NUS1: variants seen among roughly 807,000 people sequenced by gnomAD.
NUS1 encodes the protein dehydrodolichyl diphosphate synthase complex subunit NUS1.
For missense variants in NUS1, 292 were observed against 382.9 expected (o/e 0.76, Z 1.98); for synonymous variants, 135 against 155.2 (o/e 0.87, Z 0.97).
chr6:117,687,603 A>G (rs1359674320), intron 1 of NUS1, among the ~76,000 whole-genome samples: 1 of 152,180 alleles, frequency 6.6e-6, no homozygotes, highest in Non-Finnish European at 1.5e-5. Context: ...TTTAACAGGC[A>G]TGGGCTTGGG....
At chr6:117,703,782 G>C in intron 4 of NUS1, 78 bp downstream of exon 4, 1 of 974,798 alleles carries the variant, frequency 1.0e-6, no homozygotes, top group Non-Finnish European at 1.7e-6. Context: ...TAGATCTGGT[G>C]GGGATTTCCA....
chr6:117,709,152 A>G lies in NUS1; in HGVS notation c.*2137A>G, dbSNP rs1773542133. The stretch of plus-strand genomic sequence containing the variant: ...TGCTAGTACAATCTCCACAACTTGA[A>G]TGGCATTGGTTGTTCTGTAATTCCT... On this transcript the variant is annotated 3_prime_UTR_variant, in exon 5 of 5. Coordinates refer to ENST00000368494, the MANE Select transcript of NUS1 (RefSeq NM_138459.5). 6.6e-6 allele frequency: 1 copy of G among 152,270 alleles called. No homozygotes were observed. Among genetic ancestry groups the G allele is most frequent in the South Asian group, 2.1e-4 (1 of 4,824 alleles). 9.4% of individuals were successfully genotyped at this position (152,270 alleles called of 1,614,324 possible).
intron 1 of NUS1, among the ~76,000 whole-genome samples, chr6:117,682,396 T>C (rs1773074712): frequency 6.6e-6 from 1 of 152,066 alleles, no homozygotes; most frequent in Non-Finnish European, 1.5e-5. Context: ...GCCCAGGAGT[T>C]TAAGACCAGC....
At chr6:117,685,484 G>A (rs1176759114) in intron 1 of NUS1, among the ~76,000 whole-genome samples, 2 of 151,654 alleles carry the variant, frequency 1.3e-5, no homozygotes, top group Non-Finnish European at 2.9e-5. Context: ...GCAGCCTCCT[G>A]AGTAGGTTGT....
At chr6:117,680,741 A>T (rs1773048901) in intron 1 of NUS1, among the ~76,000 whole-genome samples, 1 of 152,214 alleles carries the variant, frequency 6.6e-6, no homozygotes, top group Non-Finnish European at 1.5e-5. Flanking sequence ...ATGATTGAGG[A>T]TAATTTGGGG....
In NUS1 at chr6:117,707,733, C is replaced by T. The variant is rs906731981; in HGVS notation, c.*718C>T. The T allele has an allele frequency of 8.6e-5, 13 of 150,788 alleles. No individual in the cohort carries two copies. Among genetic ancestry groups the T allele is most frequent in the African/African-American group, 3.2e-4 (13 of 40,868 alleles). 9.3% of individuals were successfully genotyped at this position (150,788 alleles called of 1,614,324 possible). ...TTGCTCTGGTATTCTGAGAGTTGCT[C>T]TGTATTCTGGGTTCTGAAGATTATT... is the stretch of plus-strand genomic sequence containing the variant. On this transcript the variant is annotated 3_prime_UTR_variant, in exon 5 of 5. Transcript: ENST00000368494.
intron 3 of NUS1, among the ~76,000 whole-genome samples, chr6:117,695,169 G>C (rs1773298242): frequency 7.7e-6 from 1 of 130,424 alleles, no homozygotes. Context: ...ACTCTAGCCT[G>C]GGTGACGGAG....
chr6:117,710,642 TGA>T lies in NUS1; in HGVS notation c.*3631_*3632del, dbSNP rs1773562317. ...TTTTAAAAAACTATAAACTAGAAAT[TGA>T]GAGTCTTGCATTCTCTTTTGTATTT... On this transcript the variant is annotated 3_prime_UTR_variant, in exon 5 of 5. Coordinates refer to ENST00000368494, the MANE Select transcript of NUS1 (RefSeq NM_138459.5). 6.6e-6 allele frequency: 1 copy of T among 152,174 alleles called. No individual in the cohort carries two copies. Among genetic ancestry groups the T allele is most frequent in the African/African-American group, 2.4e-5 (1 of 41,466 alleles). The allele number at this position is 152,174 out of a possible 1,614,324, so 9.4% of individuals were successfully genotyped here. A position where few individuals can be genotyped will look rare whatever the true frequency, so the allele number is the denominator to read the frequency against.
At chr6:117,699,034 C>T (rs1773361148) in intron 3 of NUS1, among the ~76,000 whole-genome samples, 1 of 152,012 alleles carries the variant, frequency 6.6e-6, no homozygotes, top group African/African-American at 2.4e-5. Flanking sequence ...TATGATGGAC[C>T]CATAGCTACT....
Position 117,693,046 on chromosome 6 carries a change from T to A in NUS1, c.420T>A (p.Ile140=), listed in dbSNP as rs1263100166. The part of the protein sequence containing the change: ...SYISVYDHQG[I]FKRNNSRLMD... ...TTGCCTTTTTCTTTTTTAAAGGTATTTTCAAAAGAAATAATTCCAGATTGA... is the reference window on the plus strand; with the variant it reads ...TTGCCTTTTTCTTTTTTAAAGGTATATTCAAAAGAAATAATTCCAGATTGA... The change falls in exon 2 of 5, where the codon ATT becomes ATA. Residue 140 remains isoleucine, a synonymous_variant. Transcript: ENST00000368494. The A allele has an allele frequency of 6.2e-7, 1 of 1,603,998 alleles. No individual in the cohort carries two copies. Among genetic ancestry groups the A allele is most frequent in the Non-Finnish European group, 8.5e-7 (1 of 1,171,496 alleles).
At chr6:117,680,476 C>T (rs1773044956) in intron 1 of NUS1, among the ~76,000 whole-genome samples, 1 of 152,152 alleles carries the variant, frequency 6.6e-6, no homozygotes, top group Non-Finnish European at 1.5e-5. Flanking sequence ...TGCTGGGAAC[C>T]TTGCTGTTGA....
chr6:117,696,048 C>G (rs1444143548), intron 3 of NUS1, among the ~76,000 whole-genome samples: 2 of 151,808 alleles, frequency 1.3e-5, no homozygotes, highest in Non-Finnish European at 2.9e-5. Flanking sequence ...TTCAAGAATT[C>G]AGAAAGTCAG....
At chr6:117,699,858 C>A (rs973150178) in intron 3 of NUS1, among the ~76,000 whole-genome samples, 4 of 152,004 alleles carry the variant, frequency 2.6e-5, no homozygotes, top group Admixed American at 2.6e-4. Flanking sequence ...ATGCATACAT[C>A]TCCAGTGAAC....
At chr6:117,691,923 T>C (rs1011158414) in intron 1 of NUS1, among the ~76,000 whole-genome samples, 3 of 151,846 alleles carry the variant, frequency 2.0e-5, no homozygotes, top group Non-Finnish European at 4.4e-5. Context: ...ATTTAGACTT[T>C]CCCATCTTAA....
Position 117,708,163 on chromosome 6 carries a change from T to G in NUS1, c.*1148T>G, listed in dbSNP as rs560541518. On this transcript the variant is annotated 3_prime_UTR_variant, in exon 5 of 5. Coordinates refer to ENST00000368494, the MANE Select transcript of NUS1 (RefSeq NM_138459.5). ...CTTTAAGTAGGATTGAAGGCCTCTG[T>G]GGGGGAATAAAATATTACCAAAGTC... 19 of 152,822 alleles carry G rather than the reference T, an allele frequency of 1.2e-4. No homozygotes were observed. In the East Asian group the frequency reaches 1.5e-3, roughly 12 times the overall value. 9.5% of individuals were successfully genotyped at this position (152,822 alleles called of 1,614,324 possible).
intron 1 of NUS1, among the ~76,000 whole-genome samples, chr6:117,687,178 C>T (rs566068254): frequency 6.6e-6 from 1 of 152,222 alleles, no homozygotes; most frequent in East Asian, 1.9e-4. Flanking sequence ...TTTAGTGGAA[C>T]TTCTGCCTGT....
intron 3 of NUS1, 77 bp from the exon 4 acceptor site, chr6:117,703,528 T>G: frequency 1.7e-5 from 18 of 1,082,476 alleles, no homozygotes; most frequent in Non-Finnish European, 2.3e-5. Flanking sequence ...ATTTTGCCCA[T>G]GATCTGTGTG....
chr6:117,685,498 A>G (rs1582466671), intron 1 of NUS1, among the ~76,000 whole-genome samples: 2 of 151,876 alleles, frequency 1.3e-5, no homozygotes, highest in South Asian at 4.2e-4. Flanking sequence ...AGGTTGTACT[A>G]CAGGCACAAG....
At chr6:117,691,552 G>GATATATATATATATATATAT (rs1236328961) in intron 1 of NUS1, among the ~76,000 whole-genome samples, 7 of 37,548 alleles carry the variant, frequency 1.9e-4, no homozygotes, top group Admixed American at 4.1e-4. Flanking sequence ...CTGTGCCATA[G>GATATATATATATATATATAT]ATATAGATAT....
Sources: gnomAD v4.1 joint callset for allele counts (sites outside exome capture counted in the v4.1 genomes callset) on GRCh38, gnomAD v4.1.1 for gene constraint, MANE v1.5 for transcripts, NCBI Gene and HGNC (gene_info 2026-07-23, HGNC 2026-07-21) for gene names.